MED10: variants seen among roughly 807,000 people sequenced by gnomAD.
The protein encoded by MED10 is mediator complex subunit 10.
A neutral mutation model predicts 17.2 loss-of-function variants in MED10; 9 were observed. The observed-to-expected ratio is 0.52, with a 90% CI of 0.31 to 0.91. The LOEUF (loss-of-function observed/expected upper bound fraction) is 0.91. MED10 is among the 40% of genes least tolerant of loss of function. MED10 has a pLI of 0.04. For missense variants in MED10, 129 were observed against 164.8 expected (o/e 0.78, Z 1.19); for synonymous variants, 66 against 59.8 (o/e 1.10, Z -0.48).
At position 6,378,534 on chromosome 5, in the gene MED10, C is replaced by G. The variant is rs375970028; in HGVS notation, c.-51G>C. 3 of 1,570,636 alleles carry G rather than the reference C, an allele frequency of 1.9e-6. No individual in the cohort carries two copies. In the South Asian group the frequency reaches 3.4e-5, roughly 18 times the overall value. On this transcript the variant is annotated 5_prime_UTR_variant, in exon 1 of 4. Coordinates refer to ENST00000255764, the MANE Select transcript of MED10 (RefSeq NM_032286.3). ...CAGCCTCAACCAGCAGCGCCGCAGG[C>G]GTGGCCCTACGCTCCCGCTTCCTGC... is the stretch of plus-strand genomic sequence containing the variant.
chr5:6,377,326 C>A (rs536718503), intron 1 of MED10, 77 bp from the exon 2 acceptor site: 2 of 1,027,958 alleles, frequency 1.9e-6, no homozygotes, highest in Admixed American at 2.0e-5. Context: ...AGCTACCCAG[C>A]CAACCGGGGC....
intron 1 of MED10, 117 bp from the exon 2 acceptor site, chr5:6,377,366 T>A (rs1560905795): frequency 6.4e-6 from 4 of 621,390 alleles, no homozygotes; most frequent in Non-Finnish European, 1.1e-5. Flanking sequence ...CTCACAGCTA[T>A]GCGGGTTACA....
chr5:6,375,112 T>C (rs1211506452), intron 2 of MED10, among the ~76,000 whole-genome samples: 1 of 152,182 alleles, frequency 6.6e-6, no homozygotes, highest in African/African-American at 2.4e-5. Context: ...AGTATAAAAC[T>C]GTTACTTAGA....
In MED10 at chr5:6,374,459, C is replaced by A. The variant is rs1359763032; in HGVS notation, c.207-33G>T. ...CACGATATATTTCAATTAGCATTCT[C>A]ATGACTGACACCTATTCTCACAGCT... On this transcript the variant is annotated intron_variant, in intron 2 of 3. Coordinates refer to ENST00000255764, the MANE Select transcript of MED10 (RefSeq NM_032286.3). The A allele has an allele frequency of 2.1e-6, 3 of 1,403,254 alleles. No individual in the cohort carries two copies. The Admixed American group carries it at 5.0e-5, about 23-fold the overall frequency. 86.9% of individuals were successfully genotyped at this position (1,403,254 alleles called of 1,614,324 possible). A position where few individuals can be genotyped will look rare whatever the true frequency, so the allele number is the denominator to read the frequency against.
At position 6,372,375 on chromosome 5, in the gene MED10, C is replaced by A; in HGVS notation, c.*128G>T. 1.4e-6 allele frequency: 1 copy of A among 730,308 alleles called. No homozygotes were observed. Among genetic ancestry groups the A allele is most frequent in the South Asian group, 1.7e-5 (1 of 58,984 alleles). 45.2% of individuals were successfully genotyped at this position (730,308 alleles called of 1,614,324 possible). A position where few individuals can be genotyped will look rare whatever the true frequency, so the allele number is the denominator to read the frequency against. ...GTCCCATGAGGCCAAACAATGAGGA[C>A]AGAGGGGCTGAGGGGTGTGTCCAGG... is the stretch of plus-strand genomic sequence containing the variant. On this transcript the variant is annotated 3_prime_UTR_variant, in exon 4 of 4. Coordinates refer to ENST00000255764, the MANE Select transcript of MED10 (RefSeq NM_032286.3).
intron 3 of MED10, among the ~76,000 whole-genome samples, 193 bp downstream of exon 3, chr5:6,374,131 G>A (rs1737946761): frequency 6.6e-6 from 1 of 152,218 alleles, no homozygotes; most frequent in Non-Finnish European, 1.5e-5. Flanking sequence ...TAAGATTAGT[G>A]TATGTTTTTT....
chr5:6,378,367 T>G lies in MED10; in HGVS notation c.117A>C (p.Gln39His). 1 of 1,609,252 alleles carries G rather than the reference T, an allele frequency of 6.2e-7. No homozygotes were observed. The highest frequency in any genetic ancestry group is 8.5e-7 in the Non-Finnish European group (1 of 1,178,432). The change falls in exon 1 of 4, where the codon CAA (glutamine) becomes CAC (histidine). Residue 39 changes from glutamine (Q) to histidine (H), a missense_variant. Coordinates refer to ENST00000255764, the MANE Select transcript of MED10 (RefSeq NM_032286.3). ...AGCCTCGGGCCGCCACTCACAGCTT[T>G]TGGTTGAGCCCGGCCTGGCTGCTGG... is the stretch of plus-strand genomic sequence containing the variant. ...FQPSSQAGLN[Q>H]KLNFIVTGLQ...
In MED10 at chr5:6,374,392, T is replaced by G; in HGVS notation, c.241A>C (p.Thr81Pro). ...AGAGCCCTCTCCAGGCACTCTTTGG[T>G]GTAGAGCTGGGGATTTCGACCTTGA... ...IDQGRNPQLY[T>P]KECLERALAK... is the part of the protein sequence containing the mutation. The change falls in exon 3 of 4, where the codon ACC (threonine) becomes CCC (proline). Residue 81 changes from threonine to proline, a missense_variant. Physicochemically the swap from Thr to Pro is conservative, Grantham distance 38. Coordinates refer to ENST00000255764, the MANE Select transcript of MED10 (RefSeq NM_032286.3). 6.2e-7 allele frequency: 1 copy of G among 1,614,050 alleles called. No individual in the cohort carries two copies. Among genetic ancestry groups the G allele is most frequent in the Non-Finnish European group, 8.5e-7 (1 of 1,179,916 alleles).
chr5:6,376,364 G>C (rs1560905501), intron 2 of MED10, among the ~76,000 whole-genome samples: 1 of 152,202 alleles, frequency 6.6e-6, no homozygotes, highest in Non-Finnish European at 1.5e-5. Flanking sequence ...TGTTCTTGCT[G>C]TTCCAAGCCA....
At chr5:6,374,141 T>A (rs1250884392) in intron 3 of MED10, among the ~76,000 whole-genome samples, 183 bp downstream of exon 3, 1 of 152,272 alleles carries the variant, frequency 6.6e-6, no homozygotes, top group Non-Finnish European at 1.5e-5. Context: ...GTATGTTTTT[T>A]ATGCTATTAC....
At chr5:6,377,080 C>T (rs1738007170) in intron 2 of MED10, 86 bp downstream of exon 2, 1 of 839,518 alleles carries the variant, frequency 1.2e-6, no homozygotes, top group Non-Finnish European at 1.8e-6. Flanking sequence ...AGCAGGCACT[C>T]GAATGCCAGT....
intron 2 of MED10, chr5:6,376,842 G>A (rs778101926): frequency 1.1e-5 from 2 of 176,174 alleles, no homozygotes; most frequent in Non-Finnish European, 1.2e-5. Flanking sequence ...TTTTGTGGCT[G>A]TTCTTTAGCC....
chr5:6,378,541 C>G lies in MED10; in HGVS notation c.-58G>C, dbSNP rs72651084. 957 of 1,556,948 alleles carry G rather than the reference C, an allele frequency of 6.1e-4. 9 individuals are homozygous for G. The highest frequency in any genetic ancestry group is 2.6e-3 in the Middle Eastern group (15 of 5,804). Reference sequence around the variant, plus strand: ...AACCAGCAGCGCCGCAGGCGTGGCCCTACGCTCCCGCTTCCTGCTTCCGTC... The same window carrying G: ...AACCAGCAGCGCCGCAGGCGTGGCCGTACGCTCCCGCTTCCTGCTTCCGTC... On this transcript the variant is annotated 5_prime_UTR_variant, in exon 1 of 4. Transcript: ENST00000255764.
At chr5:6,376,331 T>G (rs989282891) in intron 2 of MED10, among the ~76,000 whole-genome samples, 2 of 152,204 alleles carry the variant, frequency 1.3e-5, no homozygotes, top group African/African-American at 4.8e-5. Flanking sequence ...ACATTTGCAG[T>G]TTTGCTGCAA....
intron 1 of MED10, among the ~76,000 whole-genome samples, chr5:6,378,130 C>T (rs1738038710): frequency 1.3e-5 from 2 of 152,248 alleles, no homozygotes; most frequent in African/African-American, 4.8e-5. Flanking sequence ...GCCATGACGA[C>T]GTCTCCAAAG....
chr5:6,372,986 C>T (rs1363153040), intron 3 of MED10, among the ~76,000 whole-genome samples: 3 of 152,182 alleles, frequency 2.0e-5, no homozygotes, highest in Non-Finnish European at 2.9e-5. Flanking sequence ...TCAAAACGAG[C>T]GGCCCTCACT....
chr5:6,377,216 G>A lies in MED10; in HGVS notation c.156C>T (p.Asp52=). ...NFIVTGLQDI[D]KCRQQLHDIT... is the part of the protein sequence containing the mutation. ...TATCATGAAGCTGCTGTCTGCACTTGTCAATATCCTGTAAGCCAGTAACAA... is the reference window on the plus strand; with the variant it reads ...TATCATGAAGCTGCTGTCTGCACTTATCAATATCCTGTAAGCCAGTAACAA... Residue 52 remains aspartate (D), a synonymous_variant, in exon 2 of 4, where the codon GAC becomes GAT. Coordinates refer to ENST00000255764, the MANE Select transcript of MED10 (RefSeq NM_032286.3). 1.9e-6 allele frequency: 3 copies of A among 1,610,180 alleles called. No homozygotes were observed. The highest frequency in any genetic ancestry group is 2.5e-6 in the Non-Finnish European group (3 of 1,178,178).
chr5:6,376,132 G>C (rs1318261201), intron 2 of MED10, among the ~76,000 whole-genome samples: 1 of 152,198 alleles, frequency 6.6e-6, no homozygotes, highest in African/African-American at 2.4e-5. Context: ...TGCCCACTGA[G>C]CACAGGTAAG....
chr5:6,372,424 G>A lies in MED10; in HGVS notation c.*79C>T. On this transcript the variant is annotated 3_prime_UTR_variant, in exon 4 of 4. Coordinates refer to ENST00000255764, the MANE Select transcript of MED10 (RefSeq NM_032286.3). ...GGGCCCAGTCCCACCTCAGCAGGAA[G>A]GTGGCGTCAGCACTCGCAGTCCCAG... The A allele has an allele frequency of 8.4e-7, 1 of 1,190,072 alleles. No homozygotes were observed. Among genetic ancestry groups the A allele is most frequent in the Non-Finnish European group, 1.3e-6 (1 of 797,770 alleles). 73.7% of individuals were successfully genotyped at this position (1,190,072 alleles called of 1,614,324 possible).
Sources: allele counts gnomAD v4.1 joint callset (sites outside exome capture counted in the v4.1 genomes callset), GRCh38; gene constraint gnomAD v4.1.1; transcripts MANE v1.5; gene names NCBI Gene and HGNC (gene_info 2026-07-23, HGNC 2026-07-21).